The following ERC1 variants were observed in gnomAD, a reference collection of about 807,000 sequenced individuals.
ERC1 encodes RAB6 interacting protein 2.
ERC1 carries 56 observed loss-of-function variants against 132.0 expected under a neutral mutation model. The ratio of observed to expected loss-of-function variants is 0.42; its 90% confidence interval spans 0.34 to 0.53. The LOEUF (loss-of-function observed/expected upper bound fraction) is 0.53. Ranked by LOEUF, ERC1 falls within the 20% of genes least tolerant of loss-of-function variation. ERC1 has a pLI of 0.03. For synonymous variants in ERC1, 478 were observed against 476.1 expected (o/e 1.00, Z -0.05); for missense variants, 1,202 against 1,349.9 (o/e 0.89, Z 1.72).
chr12:1,410,083 A>T (rs1252937806), intron 17 of ERC1, among the ~76,000 whole-genome samples: 1 of 152,082 alleles, frequency 6.6e-6, no homozygotes, highest in African/African-American at 2.4e-5. Flanking sequence ...AATAGTTGTT[A>T]TACTGTATTT....
At chr12:1,307,322 C>T (rs551317818) in intron 15 of ERC1, among the ~76,000 whole-genome samples, 7 of 152,174 alleles carry the variant, frequency 4.6e-5, no homozygotes, top group African/African-American at 1.7e-4. Context: ...TCCCTGCTGC[C>T]CACTTTGTGG....
At chr12:1,138,040 TA>T (rs1327250012) in intron 7 of ERC1, among the ~76,000 whole-genome samples, 2 of 127,110 alleles carry the variant, frequency 1.6e-5, no homozygotes, top group African/African-American at 6.1e-5. Context: ...TAATTATATA[TA>T]AAATACAATT....
At chr12:1,402,929 A>G (rs2091198515) in intron 16 of ERC1, among the ~76,000 whole-genome samples, 1 of 152,218 alleles carries the variant, frequency 6.6e-6, no homozygotes, top group South Asian at 2.1e-4. Context: ...TTTTTTATCA[A>G]TACTAAAACA....
Position 1,209,216 on chromosome 12 carries a change from G to A in ERC1, c.2351+19164G>A, listed in dbSNP as rs530204038. Among the ~76,000 whole-genome samples the A allele has an allele frequency of 1.7e-3, 255 of 151,996 alleles. 1 individual carries two copies. The highest frequency in any genetic ancestry group is 5.8e-3 in the African/African-American group (242 of 41,460). Reference sequence around the variant, plus strand: ...ACTCCTGACCTCAGATGATCCACCCGCCTCGGCCTCCCAAAGTGCTGGGAT... The same window carrying A: ...ACTCCTGACCTCAGATGATCCACCCACCTCGGCCTCCCAAAGTGCTGGGAT... On this transcript the variant is annotated intron_variant, in intron 12 of 18. Transcript: ENST00000360905.
chr12:1,178,761 GAACTTATCTC>G (rs1181559687), intron 8 of ERC1, among the ~76,000 whole-genome samples: 1 of 152,058 alleles, frequency 6.6e-6, no homozygotes, highest in Admixed American at 6.5e-5. Flanking sequence ...TCTCTCCATA[GAACTTATCTC>G]TGCCCTACAC....
intron 12 of ERC1, among the ~76,000 whole-genome samples, chr12:1,194,520 C>T (rs1034462128): frequency 7.2e-5 from 11 of 152,180 alleles, no homozygotes; most frequent in African/African-American, 2.7e-4. Context: ...TTCACTCACG[C>T]TGTCCATCTT....
chr12:1,122,601 G>GTCTCTA (rs1158115723), intron 7 of ERC1, among the ~76,000 whole-genome samples: 3 of 4,374 alleles, frequency 6.9e-4, no homozygotes, highest in East Asian at 0.015. Flanking sequence ...CTCTATCTGT[G>GTCTCTA]TCTCTATCTC....
intron 15 of ERC1, among the ~76,000 whole-genome samples, chr12:1,317,330 C>T (rs1023297329): frequency 3.9e-5 from 6 of 152,054 alleles, no homozygotes; most frequent in Non-Finnish European, 5.9e-5. Flanking sequence ...CGCATGTTCT[C>T]ACTCATAAGT....
chr12:1,328,562 A>C (rs2082626025), intron 15 of ERC1, among the ~76,000 whole-genome samples: 1 of 141,594 alleles, frequency 7.1e-6, no homozygotes, highest in African/African-American at 3.1e-5. Context: ...GGTTCCCCAT[A>C]ATCTGACTTC....
At position 1,440,521 on chromosome 12, in the gene ERC1, TA is replaced by T. The variant is rs1356119970; in HGVS notation, c.3025-4039del. On this transcript the variant is annotated intron_variant, in intron 17 of 18. Transcript: ENST00000360905. ...GCGCCCGGCCTTTTTTTTTTTTTTTTAATAGAGACAGAGTCTTGCTATGTTG... is the reference window on the plus strand; with the variant it reads ...GCGCCCGGCCTTTTTTTTTTTTTTTTATAGAGACAGAGTCTTGCTATGTTG... 1.9e-3 allele frequency among the ~76,000 whole-genome samples: 277 copies of T among 147,502 alleles called. 9 individuals carry two copies. The highest frequency in any genetic ancestry group is 6.4e-3 in the African/African-American group (249 of 39,072).
chr12:1,424,836 TAGATAGATGATA>T (rs780035859), intron 17 of ERC1, among the ~76,000 whole-genome samples: 1,472 of 114,882 alleles, frequency 0.013, 17 homozygotes, highest in South Asian at 0.017. Flanking sequence ...GATAGATAGA[TAGATAGATGATA>T]GATAGATAGA....
At chr12:1,389,485 C>T (rs1197482804) in intron 16 of ERC1, among the ~76,000 whole-genome samples, 3 of 152,186 alleles carry the variant, frequency 2.0e-5, no homozygotes, top group Non-Finnish European at 4.4e-5. Context: ...TGAGCATATG[C>T]CCTCTGTAAG....
At position 1,028,318 on chromosome 12, in the gene ERC1, G is replaced by A. The variant is rs1967260151; in HGVS notation, c.415G>A (p.Val139Ile). The change falls in exon 2 of 19, where the codon GTA becomes ATA. Residue 139 changes from valine (V) to isoleucine (I), a missense_variant. By Grantham distance (29) the Val-to-Ile change is conservative (BLOSUM62 3). Coordinates refer to ENST00000360905, the MANE Select transcript of ERC1 (RefSeq NM_178040.4). ...CCCTCCTGTGAGTATGGCATCCACT[G>A]TACCTCACTCCCTTCGTCAGGCGAG... ...HLPPVSMAST[V>I]PHSLRQARDN... The A allele has an allele frequency of 6.2e-7, 1 of 1,614,040 alleles. No homozygotes were observed. The highest frequency in any genetic ancestry group is 1.3e-5 in the African/African-American group (1 of 74,918).
At chr12:1,393,607 CGTGTGTGTGT>C (rs34533745) in intron 16 of ERC1, among the ~76,000 whole-genome samples, 40,389 of 140,058 alleles carry the variant, frequency 0.29, 5,911 homozygotes, top group Middle Eastern at 0.37. Context: ...AGAGAACACA[CGTGTGTGTGT>C]GTGTGTGTGT....
intron 15 of ERC1, among the ~76,000 whole-genome samples, chr12:1,310,137 A>G (rs1051544297): frequency 6.6e-6 from 1 of 151,932 alleles, no homozygotes; most frequent in Non-Finnish European, 1.5e-5. Context: ...TTAATAGAGA[A>G]GGGGTTTCAC....
At chr12:1,193,573 T>C (rs1169561097) in intron 12 of ERC1, among the ~76,000 whole-genome samples, 1 of 152,116 alleles carries the variant, frequency 6.6e-6, no homozygotes, top group East Asian at 1.9e-4. Context: ...TATTAAGAGA[T>C]TTATTACAGA....
intron 15 of ERC1, among the ~76,000 whole-genome samples, chr12:1,317,725 A>G (rs939273927): frequency 1.3e-5 from 2 of 152,190 alleles, no homozygotes; most frequent in Non-Finnish European, 2.9e-5. Context: ...TGTGAAAAAG[A>G]CAATACTGAA....
chr12:1,311,523 C>T (rs1027536042), intron 15 of ERC1, among the ~76,000 whole-genome samples: 7 of 152,164 alleles, frequency 4.6e-5, no homozygotes, highest in Admixed American at 2.0e-4. Flanking sequence ...TTTATTGTCA[C>T]TTCTAACCTA....
intron 15 of ERC1, among the ~76,000 whole-genome samples, chr12:1,353,715 G>GGTTTT (rs1317909610): frequency 1.3e-5 from 2 of 152,098 alleles, no homozygotes; most frequent in African/African-American, 4.8e-5. Flanking sequence ...TTGTGATTCT[G>GGTTTT]GTTTTGTTTT....
Sources: allele counts gnomAD v4.1 joint callset (sites outside exome capture counted in the v4.1 genomes callset), GRCh38; gene constraint gnomAD v4.1.1; transcripts MANE v1.5; gene names NCBI Gene and HGNC (gene_info 2026-07-23, HGNC 2026-07-21).